KARS1: variants seen among roughly 807,000 people sequenced by gnomAD.
KARS1 encodes lysine--tRNA ligase.
Under a neutral mutation model 63.9 loss-of-function variants are expected in KARS1, and 50 were observed. That is an observed-to-expected ratio of 0.78 (90% CI 0.62 to 0.99). KARS1 has a LOEUF of 0.99. Among genes scored for constraint, KARS1 ranks in the 50% least tolerant of loss-of-function variants. The probability of loss-of-function intolerance (pLI) is 0.00; values close to 1 mark genes in which losing one functional copy is unlikely to be tolerated. For missense variants in KARS1, 816 were observed against 754.5 expected (o/e 1.08, Z -0.95); for synonymous variants, 320 against 264.6 (o/e 1.21, Z -2.03).
rs567010144 is a variant in KARS1, at chr16:75,630,996, G to C, written c.1338+172C>G. On this transcript the variant is annotated intron_variant, in intron 10 of 13. Coordinates refer to ENST00000302445, the MANE Select transcript of KARS1 (RefSeq NM_005548.3). Reference sequence around the variant, plus strand: ...TGAGATCACACACATAAATTATTTGGCACAGAGCTTAGTATGACAGTTAAA... The same window carrying C: ...TGAGATCACACACATAAATTATTTGCCACAGAGCTTAGTATGACAGTTAAA... 1.2e-4 allele frequency among the ~76,000 whole-genome samples: 19 copies of C among 152,234 alleles called. No homozygotes were observed. In the South Asian group the frequency reaches 3.5e-3, roughly 28 times the overall value.
intron 11 of KARS1, 41 bp downstream of exon 11, chr16:75,630,381 GT>G (rs1447993933): frequency 8.2e-7 from 1 of 1,222,004 alleles, no homozygotes; most frequent in Non-Finnish European, 1.2e-6. Context: ...ACACCACTAA[GT>G]TTTGGGGCTG....
At chr16:75,635,832 C>T (rs1418685494) in intron 5 of KARS1, 27 bp from the exon 6 acceptor site, 1 of 1,614,054 alleles carries the variant, frequency 6.2e-7, no homozygotes, top group Non-Finnish European at 8.5e-7. Flanking sequence ...AGTTAGAAAT[C>T]ACTGGTATGT....
At chr16:75,637,929 A>G (rs2082180861) in intron 3 of KARS1, among the ~76,000 whole-genome samples, 1 of 151,774 alleles carries the variant, frequency 6.6e-6, no homozygotes, top group South Asian at 2.1e-4. Context: ...AAGACCCAAA[A>G]AAAGTGAGGA....
chr16:75,633,418 T>C (rs1432980268), intron 7 of KARS1, among the ~76,000 whole-genome samples: 3 of 152,292 alleles, frequency 2.0e-5, no homozygotes, highest in East Asian at 1.9e-4. Context: ...AAACTAGTTA[T>C]AACAGTTTCT....
At chr16:75,628,793 G>A (rs2082079273) in intron 12 of KARS1, 81 bp from the exon 13 acceptor site, 4 of 1,447,288 alleles carry the variant, frequency 2.8e-6, no homozygotes, top group Non-Finnish European at 3.9e-6. Context: ...CAGGCTCCGA[G>A]GTGGGAGTAC....
intron 3 of KARS1, 24 bp downstream of exon 3, chr16:75,640,160 T>G: frequency 6.2e-7 from 1 of 1,610,114 alleles, no homozygotes; most frequent in Non-Finnish European, 8.5e-7. Flanking sequence ...GGGAGTTCAG[T>G]GATTTGCCAG....
rs1287221308 is a variant in KARS1, at chr16:75,631,457, A to G, written c.1211T>C (p.Leu404Pro). Residue 404 changes from leucine (L) to proline (P), a missense_variant, in exon 9 of 14, where the codon CTG becomes CCG. Physicochemically the swap from Leu to Pro is moderately conservative, Grantham distance 98. Coordinates refer to ENST00000302445, the MANE Select transcript of KARS1 (RefSeq NM_005548.3). Reference protein sequence around the residue: ...INMVEELEKALGMKLPETNLF... With the variant: ...INMVEELEKAPGMKLPETNLF... Reference sequence around the variant, plus strand: ...GTTCGTTTCTGGCAGCTTCATCCCCAGGGCTTTCTCAAGCTCTTCTACCAT... The same window carrying G: ...GTTCGTTTCTGGCAGCTTCATCCCCGGGGCTTTCTCAAGCTCTTCTACCAT... 6.2e-7 allele frequency: 1 copy of G among 1,614,172 alleles called. No homozygotes were observed. The highest frequency in any genetic ancestry group is 2.2e-5 in the East Asian group (1 of 44,882).
chr16:75,634,867 G>A (rs367722417), intron 6 of KARS1, among the ~76,000 whole-genome samples: 2 of 152,088 alleles, frequency 1.3e-5, no homozygotes, highest in African/African-American at 2.4e-5. Flanking sequence ...GAGCCACTGC[G>A]CCCGGCCCAA....
chr16:75,643,592 G>A (rs576081706), intron 1 of KARS1, among the ~76,000 whole-genome samples: 49 of 152,218 alleles, frequency 3.2e-4, no homozygotes, highest in African/African-American at 1.0e-3. Flanking sequence ...TGTTAGCCAG[G>A]ATGGTCTTGA....
At position 75,647,593 on chromosome 16, in the gene KARS1, G is replaced by C. The variant is rs72563118; in HGVS notation, c.47C>G (p.Pro16Arg). 5.6e-6 allele frequency: 9 copies of C among 1,613,284 alleles called. No individual in the cohort carries two copies. The African/African-American group carries it at 9.3e-5, about 17-fold the overall frequency. Residue 16 changes from proline to arginine, a missense_variant, in exon 1 of 14, where the codon CCG becomes CGG. Transcript: ENST00000302445. ...AAEVKVDGSE[P>R]KLSKNELKRR... ...CGACACTCACTTCTTGCTCAGTTTCGGCTCGCTGCCATCCACTTTCACCTC... is the reference window on the plus strand; with the variant it reads ...CGACACTCACTTCTTGCTCAGTTTCCGCTCGCTGCCATCCACTTTCACCTC...
At chr16:75,636,362 C>G in intron 4 of KARS1, 92 bp downstream of exon 4, 2 of 931,876 alleles carry the variant, frequency 2.1e-6, no homozygotes, top group Non-Finnish European at 3.6e-6. Flanking sequence ...CCTTCTTACT[C>G]TAACTTCAAA....
chr16:75,638,157 C>T (rs987192870), intron 3 of KARS1, among the ~76,000 whole-genome samples: 1 of 151,610 alleles, frequency 6.6e-6, no homozygotes, highest in South Asian at 2.1e-4. Context: ...AGGAGAATAA[C>T]ACCCCTCTAG....
intron 7 of KARS1, chr16:75,633,966 C>G: frequency 1.7e-6 from 1 of 602,590 alleles, no homozygotes; most frequent in Non-Finnish European, 3.0e-6. Context: ...GGAAAGACAA[C>G]CCCTTTGGTC....
rs1298749484 is a variant in KARS1 at position 75,640,273 on chromosome 16, T to C, written c.299A>G (p.His100Arg). 3 of 1,613,384 alleles carry C rather than the reference T, an allele frequency of 1.9e-6. No homozygotes were observed. The highest frequency in any genetic ancestry group is 2.7e-5 in the African/African-American group (2 of 74,650). Residue 100 changes from histidine to arginine, a missense_variant, in exon 3 of 14, where the codon CAT becomes CGT. Coordinates refer to ENST00000302445, the MANE Select transcript of KARS1 (RefSeq NM_005548.3). ...GAAGTCAGTGAGTGAGATGTCTACA[T>C]GGAACTTGTGTGGGTATGGGTCTTC... ...NGEDPYPHKFHVDISLTDFIQ... is the reference protein window; with the variant it reads ...NGEDPYPHKFRVDISLTDFIQ...
chr16:75,644,995 T>C (rs1210382517), intron 1 of KARS1, among the ~76,000 whole-genome samples: 1 of 152,382 alleles, frequency 6.6e-6, no homozygotes, highest in South Asian at 2.1e-4. Flanking sequence ...GACTGCGTTA[T>C]GTTTATACAT....
At chr16:75,639,341 G>A (rs904595869) in intron 3 of KARS1, among the ~76,000 whole-genome samples, 1 of 151,874 alleles carries the variant, frequency 6.6e-6, no homozygotes, top group Admixed American at 6.6e-5. Context: ...GGAAGCCGAG[G>A]CAGGTGGATC....
At chr16:75,634,870 C>T (rs58657577) in intron 6 of KARS1, among the ~76,000 whole-genome samples, 18,271 of 152,026 alleles carry the variant, frequency 0.12, 2,313 homozygotes, top group African/African-American at 0.32. Context: ...CCACTGCGCC[C>T]GGCCCAATTC....
At chr16:75,633,658 C>T (rs898948574) in intron 7 of KARS1, among the ~76,000 whole-genome samples, 1 of 152,062 alleles carries the variant, frequency 6.6e-6, no homozygotes, top group African/African-American at 2.4e-5. Flanking sequence ...GCTGGGATTA[C>T]AGGCACATGC....
Position 75,627,982 on chromosome 16 carries a change from C to G in KARS1, c.1707G>C (p.Leu569=), listed in dbSNP as rs780454206. 1.9e-6 allele frequency: 3 copies of G among 1,597,288 alleles called. No individual in the cohort carries two copies. Among genetic ancestry groups the G allele is most frequent in the Admixed American group, 3.3e-5 (2 of 60,006 alleles). The change falls in exon 14 of 14, where the codon CTG becomes CTC. Residue 569 remains leucine (L), a synonymous_variant. Transcript: ENST00000302445. ...TGTCTTCGGGTTTCATGGCAGGAAA[C>G]AGAAGTACTTCCTGTGGGAGATAAG... is the stretch of plus-strand genomic sequence containing the variant. ...TDSNNIKEVL[L]FPAMKPEDKK...
Sources: gnomAD v4.1 joint callset for allele counts (sites outside exome capture counted in the v4.1 genomes callset) on GRCh38, gnomAD v4.1.1 for gene constraint, MANE v1.5 for transcripts, NCBI Gene and HGNC (gene_info 2026-07-23, HGNC 2026-07-21) for gene names.